ANO3: variants seen among roughly 807,000 people sequenced by gnomAD.
ANO3 encodes anoctamin-3.
Under a neutral mutation model 144.8 loss-of-function variants are expected in ANO3, and 99 were observed. That is an observed-to-expected ratio of 0.68 (90% CI 0.58 to 0.81). ANO3 has a LOEUF of 0.81. Among genes scored for constraint, ANO3 ranks in the 30% least tolerant of loss-of-function variants. The probability of loss-of-function intolerance (pLI) is 0.00; values close to 1 mark genes in which losing one functional copy is unlikely to be tolerated. For synonymous variants in ANO3, 414 were observed against 392.6 expected, an observed-to-expected ratio of 1.05 and a Z score of -0.64; for missense variants, 905 against 1,202.2, an observed-to-expected ratio of 0.75 and a Z score of 3.66.
chr11:26,258,802 C>T (rs145771765), intron 1 of ANO3, among the ~76,000 whole-genome samples: 81 of 152,182 alleles, frequency 5.3e-4, no homozygotes, highest in African/African-American at 1.8e-3. Context: ...GAATGATCAA[C>T]AAAAAATTCA....
In ANO3 at chr11:26,508,266, G is replaced by A. The variant is rs375570481; in HGVS notation, c.591+4G>A. 6 of 1,580,208 alleles carry A rather than the reference G, an allele frequency of 3.8e-6. No homozygotes were observed. The highest frequency in any genetic ancestry group is 4.3e-6 in the Non-Finnish European group (5 of 1,170,392). ...AGGCTTGATGTTGGAGAAGGAGGTA[G>A]GTGCTTTACTATTATTAGTTATGTG... On this transcript the variant is annotated splice_donor_region_variant and intron_variant, in intron 5 of 26. Transcript: ENST00000256737.
At chr11:26,403,704 T>A (rs1186045728) in intron 1 of ANO3, among the ~76,000 whole-genome samples, 1 of 151,880 alleles carries the variant, frequency 6.6e-6, no homozygotes, top group Non-Finnish European at 1.5e-5. Context: ...AAATTCCTTA[T>A]CAAGGTCTAC....
At chr11:26,189,924 G>A (rs1034603041) in intron 1 of ANO3, among the ~76,000 whole-genome samples, 1 of 152,044 alleles carries the variant, frequency 6.6e-6, no homozygotes. Context: ...TGCTCTGCAG[G>A]TTTGAGGGAA....
chr11:26,591,543 T>A (rs563943831), intron 14 of ANO3, among the ~76,000 whole-genome samples: 1 of 152,162 alleles, frequency 6.6e-6, no homozygotes, highest in South Asian at 2.1e-4. Flanking sequence ...TGGTTGTGGG[T>A]GGTGAAAGTG....
intron 1 of ANO3, among the ~76,000 whole-genome samples, chr11:26,258,726 T>C (rs1295861422): frequency 6.6e-6 from 1 of 152,232 alleles, no homozygotes; most frequent in Non-Finnish European, 1.5e-5. Context: ...GGTTAAACAC[T>C]GCATTCATAT....
intron 1 of ANO3, among the ~76,000 whole-genome samples, chr11:26,382,408 C>G (rs1856610913): frequency 6.6e-6 from 1 of 152,158 alleles, no homozygotes; most frequent in South Asian, 2.1e-4. Context: ...CAAGAGCATT[C>G]TCTAACACAT....
chr11:26,422,932 C>T (rs11029549), intron 1 of ANO3, among the ~76,000 whole-genome samples: 13,861 of 151,846 alleles, frequency 0.091, 1,295 homozygotes, highest in African/African-American at 0.24. Context: ...AAAGATAATC[C>T]TTATAATAGC....
intron 14 of ANO3, among the ~76,000 whole-genome samples, chr11:26,595,551 A>C (rs530284596): frequency 1.4e-5 from 2 of 138,514 alleles, no homozygotes; most frequent in Non-Finnish European, 3.0e-5. Flanking sequence ...CAGACCAATT[A>C]TTAGGCAATT....
rs1297410386 is a variant in ANO3 at position 26,531,389 on chromosome 11, G to T, written c.869+53G>T. 2.6e-6 allele frequency: 4 copies of T among 1,537,966 alleles called. No individual in the cohort carries two copies. The South Asian group carries it at 5.0e-5, about 19-fold the overall frequency. On this transcript the variant is annotated intron_variant, in intron 8 of 26. Transcript: ENST00000256737. ...CTACCTTTATATCTTGGTGGGGCTTGTTTATAGAATAAAAACACCTGGGAC... is the reference window on the plus strand; with the variant it reads ...CTACCTTTATATCTTGGTGGGGCTTTTTTATAGAATAAAAACACCTGGGAC...
At chr11:26,200,688 T>G (rs1851676543) in intron 1 of ANO3, among the ~76,000 whole-genome samples, 1 of 152,068 alleles carries the variant, frequency 6.6e-6, no homozygotes, top group South Asian at 2.1e-4. Context: ...AAACAAAATA[T>G]TACATGTATG....
At chr11:26,589,069 C>T (rs1851368326) in intron 14 of ANO3, among the ~76,000 whole-genome samples, 1 of 152,190 alleles carries the variant, frequency 6.6e-6, no homozygotes, top group Admixed American at 6.5e-5. Context: ...AGAACACCAA[C>T]CAACCAACCA....
At chr11:26,587,987 G>A (rs11029624) in intron 14 of ANO3, among the ~76,000 whole-genome samples, 19,656 of 149,948 alleles carry the variant, frequency 0.13, 1,658 homozygotes, top group African/African-American at 0.24. Context: ...AAGCAAAGAG[G>A]GTTTTCATTA....
At chr11:26,601,790 G>C (rs190119300) in intron 17 of ANO3, among the ~76,000 whole-genome samples, 44 of 152,294 alleles carry the variant, frequency 2.9e-4, no homozygotes, top group South Asian at 8.3e-4. Context: ...TCTGGGAAAA[G>C]ATAACTAAGT....
chr11:26,366,427 G>T (rs914791886), intron 1 of ANO3, among the ~76,000 whole-genome samples: 1 of 152,054 alleles, frequency 6.6e-6, no homozygotes, highest in Non-Finnish European at 1.5e-5. Flanking sequence ...CTTTGCTATT[G>T]TGAGTAGTGC....
intron 3 of ANO3, among the ~76,000 whole-genome samples, chr11:26,456,776 G>A (rs1167922644): frequency 2.3e-5 from 3 of 131,156 alleles, no homozygotes; most frequent in Non-Finnish European, 3.2e-5. Context: ...ACATGCACAC[G>A]TATGTTTATT....
rs147748182 is a variant in ANO3, at chr11:26,335,669, G to A, written c.46+3348G>A. 4.2e-4 allele frequency among the ~76,000 whole-genome samples: 64 copies of A among 152,238 alleles called. No homozygotes were observed. In the East Asian group the frequency reaches 7.7e-3, roughly 18 times the overall value. On this transcript the variant is annotated intron_variant, in intron 1 of 26. Transcript: ENST00000256737. ...CTCTTAAGTACCATGCTTTTGCTGC[G>A]TGTATGCCAGGGACTGTGCTTAATA...
At chr11:26,341,118 C>T (rs948019079) in intron 1 of ANO3, among the ~76,000 whole-genome samples, 2 of 151,298 alleles carry the variant, frequency 1.3e-5, no homozygotes, top group Non-Finnish European at 2.9e-5. Flanking sequence ...TCCTTCCTCT[C>T]TCTTTCTTTC....
intron 4 of ANO3, among the ~76,000 whole-genome samples, chr11:26,485,301 A>G (rs774917702): frequency 1.3e-5 from 2 of 152,012 alleles, no homozygotes; most frequent in Non-Finnish European, 2.9e-5. Context: ...ATGGGAATGG[A>G]TCGTGGGGCA....
chr11:26,647,151 A>G (rs1307855785), intron 23 of ANO3, among the ~76,000 whole-genome samples: 2 of 152,190 alleles, frequency 1.3e-5, no homozygotes, highest in Non-Finnish European at 2.9e-5. Flanking sequence ...TATACTATAC[A>G]TCTTCAAAAG....
Sources: gnomAD v4.1 joint callset for allele counts (sites outside exome capture counted in the v4.1 genomes callset) on GRCh38, gnomAD v4.1.1 for gene constraint, MANE v1.5 for transcripts, NCBI Gene and HGNC (gene_info 2026-07-23, HGNC 2026-07-21) for gene names.